The following ZNF511 variants were observed in gnomAD, a reference collection of about 807,000 sequenced individuals.
ZNF511 encodes zinc finger protein 511.
Under a neutral mutation model 24.8 loss-of-function variants are expected in ZNF511, and 26 were observed. The ratio of observed to expected loss-of-function variants is 1.05; its 90% CI spans 0.77 to 1.46. ZNF511 has a LOEUF of 1.46. Among genes scored for constraint, ZNF511 ranks in the 40% most tolerant of loss-of-function variants. ZNF511 has a pLI of 0.00. For missense variants in ZNF511, 358 were observed against 345.0 expected (o/e 1.04, Z -0.30); for synonymous variants, 144 against 139.6 (o/e 1.03, Z -0.22).
At position 133,311,713 on chromosome 10, in the gene ZNF511, C is replaced by T; in HGVS notation, c.555-3C>T. On this transcript the variant is annotated splice_polypyrimidine_tract_variant and splice_region_variant and intron_variant, in intron 4 of 5. Transcript: ENST00000361518. The stretch of plus-strand genomic sequence containing the variant: ...GCAGTTACTCACTGCTCTCTCCCCG[C>T]AGCCCAGCCTCAGCAGAAGCCCCAG... 1 of 1,611,136 alleles carries T rather than the reference C, an allele frequency of 6.2e-7. No homozygotes were observed. Among genetic ancestry groups the T allele is most frequent in the South Asian group, 1.1e-5 (1 of 91,034 alleles).
chr10:133,310,752 T>C (rs904994547), intron 4 of ZNF511, among the ~76,000 whole-genome samples: 1 of 152,216 alleles, frequency 6.6e-6, no homozygotes, highest in Non-Finnish European at 1.5e-5. Flanking sequence ...ACAAAGCTGT[T>C]GATTAACATG....
At position 133,310,258 on chromosome 10, in the gene ZNF511, TC is replaced by T; in HGVS notation, c.526del (p.Arg176GlyfsTer126). 1 of 1,614,024 alleles carries T rather than the reference TC, an allele frequency of 6.2e-7. No homozygotes were observed. On this transcript the variant is annotated frameshift_variant, in exon 4 of 6. Coordinates refer to ENST00000361518, the MANE Select transcript of ZNF511 (RefSeq NM_145806.4). LOFTEE classifies it high-confidence loss of function. ...MVRMHLYPAD[F>X]RFDKPKKSRS... is the part of the protein sequence containing the mutation. ...AGGATGCACCTGTACCCCGCGGACTTCCGGTTTGATAAGCCAAAGAAAAGCA... is the reference window on the plus strand; with the variant it reads ...AGGATGCACCTGTACCCCGCGGACTTCGGTTTGATAAGCCAAAGAAAAGCA...
chr10:133,311,484 T>C, intron 4 of ZNF511: 1 of 476,282 alleles, frequency 2.1e-6, no homozygotes, highest in Non-Finnish European at 3.7e-6. Flanking sequence ...AGTATGATTG[T>C]TACAGTTAAG....
chr10:133,311,287 C>T (rs1847983258), intron 4 of ZNF511, among the ~76,000 whole-genome samples: 1 of 152,110 alleles, frequency 6.6e-6, no homozygotes, highest in Non-Finnish European at 1.5e-5. Flanking sequence ...CAAAGACTTA[C>T]GTGTAAAGTA....
In ZNF511 at chr10:133,309,773, C is replaced by T. The variant is rs947383539; in HGVS notation, c.228-3C>T. On this transcript the variant is annotated splice_region_variant and splice_polypyrimidine_tract_variant and intron_variant, in intron 2 of 5. Transcript: ENST00000361518. ...GGGCTCCTGAAGCACGTCTCCTTGG[C>T]AGGGTGCCCGCGTTTGCCTGCCAGG... 8.1e-6 allele frequency: 13 copies of T among 1,612,468 alleles called. No homozygotes were observed. The highest frequency in any genetic ancestry group is 1.3e-5 in the African/African-American group (1 of 74,930).
chr10:133,312,573 C>A, intron 5 of ZNF511: 1 of 1,438,014 alleles, frequency 7.0e-7, no homozygotes, highest in South Asian at 1.5e-5. Flanking sequence ...GGAGTTCTTC[C>A]CAGCGGGTGT....
At chr10:133,312,117 A>G in intron 5 of ZNF511, 1 of 1,441,142 alleles carries the variant, frequency 6.9e-7, no homozygotes. Context: ...AAAGAGTCTC[A>G]CTTGCAGTTG....
In ZNF511 at chr10:133,311,711, C is replaced by G. The variant is rs371065979; in HGVS notation, c.555-5C>G. The G allele has an allele frequency of 6.5e-5, 105 of 1,610,764 alleles. No individual in the cohort carries two copies. In the African/African-American group the frequency reaches 1.3e-3, roughly 19 times the overall value. Reference sequence around the variant, plus strand: ...GGGCAGTTACTCACTGCTCTCTCCCCGCAGCCCAGCCTCAGCAGAAGCCCC... The same window carrying G: ...GGGCAGTTACTCACTGCTCTCTCCCGGCAGCCCAGCCTCAGCAGAAGCCCC... On this transcript the variant is annotated splice_polypyrimidine_tract_variant and splice_region_variant and intron_variant, in intron 4 of 5. Transcript: ENST00000361518.
In ZNF511 at chr10:133,311,740, G is replaced by A. The variant is rs756019334; in HGVS notation, c.579G>A (p.Gly193=). 7 of 1,613,474 alleles carry A rather than the reference G, an allele frequency of 4.3e-6. No individual in the cohort carries two copies. The Admixed American group carries it at 1.0e-4, about 23-fold the overall frequency. ...GCCCAGCCTCAGCAGAAGCCCCAGG[G>A]GACAGTGGAGAGCGGTCAGAAGGGG... The part of the protein sequence containing the change: ...SRSPASAEAP[G]DSGERSEGEA... The change falls in exon 5 of 6, where the codon GGG becomes GGA. Residue 193 remains glycine, a synonymous_variant. Transcript: ENST00000361518.
Position 133,311,790 on chromosome 10 carries a change from C to T in ZNF511, c.629C>T (p.Pro210Leu). The T allele has an allele frequency of 3.1e-6, 5 of 1,613,560 alleles. No homozygotes were observed. Among genetic ancestry groups the T allele is most frequent in the Non-Finnish European group, 4.2e-6 (5 of 1,180,042 alleles). The change falls in exon 5 of 6, where the codon CCT (proline) becomes CTT (leucine). Residue 210 changes from proline to leucine, a missense_variant. By Grantham distance (98) the Pro-to-Leu change is moderately conservative. Coordinates refer to ENST00000361518, the MANE Select transcript of ZNF511 (RefSeq NM_145806.4). ...GAGGCCATGGAAATCTGCTCTGAGCCTGTGGCAGCCTCCCCTGCACCGGCA... is the reference window on the plus strand; with the variant it reads ...GAGGCCATGGAAATCTGCTCTGAGCTTGTGGCAGCCTCCCCTGCACCGGCA... ...EGEAMEICSE[P>L]VAASPAPAGE...
chr10:133,310,554 C>T (rs1022586821), intron 4 of ZNF511: 18 of 490,136 alleles, frequency 3.7e-5, no homozygotes, highest in South Asian at 8.3e-5. Context: ...AATGAGCGGG[C>T]GCAGCGCCTC....
chr10:133,310,838 G>GAC (rs1421659915), intron 4 of ZNF511, among the ~76,000 whole-genome samples: 3 of 151,214 alleles, frequency 2.0e-5, no homozygotes, highest in Admixed American at 6.6e-5. Flanking sequence ...GTCTTGCTCT[G>GAC]ACACCCAGGC....
chr10:133,309,294 G>A, intron 1 of ZNF511, 96 bp from the exon 2 acceptor site: 2 of 1,463,296 alleles, frequency 1.4e-6, no homozygotes, highest in South Asian at 1.3e-5. Flanking sequence ...CGGGACCGGA[G>A]CGCGGGATGA....
At position 133,312,077 on chromosome 10, in the gene ZNF511, T is replaced by A; in HGVS notation, c.680+236T>A. ...GAAGCGCAGGAATGCCAAGCACCAC[T>A]CACTTTTCCTCATTGTCTGAGTGGG... On this transcript the variant is annotated intron_variant, in intron 5 of 5. Coordinates refer to ENST00000361518, the MANE Select transcript of ZNF511 (RefSeq NM_145806.4). 5 of 1,458,948 alleles carry A rather than the reference T, an allele frequency of 3.4e-6. No homozygotes were observed. In the South Asian group the frequency reaches 5.8e-5, roughly 17 times the overall value. 90.4% of individuals were successfully genotyped at this position (1,458,948 alleles called of 1,614,324 possible).
At chr10:133,312,220 C>T (rs990964962) in intron 5 of ZNF511, 1 of 1,386,882 alleles carries the variant, frequency 7.2e-7, no homozygotes, top group East Asian at 2.8e-5. Context: ...TCTAGCGTCA[C>T]CTGTGCCGTC....
chr10:133,311,547 T>C (rs1484849513), intron 4 of ZNF511, 169 bp from the exon 5 acceptor site: 2 of 598,336 alleles, frequency 3.3e-6, no homozygotes, highest in Non-Finnish European at 5.9e-6. Context: ...GTAATCATTC[T>C]CCTTTTCCCA....
At chr10:133,310,316 T>C (rs753141202) in intron 4 of ZNF511, 28 bp downstream of exon 4, 1 of 1,612,460 alleles carries the variant, frequency 6.2e-7, no homozygotes, top group Non-Finnish European at 8.5e-7. Context: ...TCAGCACGTG[T>C]CTGCTTTTGA....
At chr10:133,309,310 G>A (rs892362392) in intron 1 of ZNF511, 80 bp from the exon 2 acceptor site, 1 of 1,519,178 alleles carries the variant, frequency 6.6e-7, no homozygotes, top group Non-Finnish European at 8.9e-7. Flanking sequence ...GATGACTGGG[G>A]CCACGGGTGT....
At position 133,310,140 on chromosome 10, in the gene ZNF511, G is replaced by A. The variant is rs565388811; in HGVS notation, c.430-24G>A. On this transcript the variant is annotated intron_variant, in intron 3 of 5. Transcript: ENST00000361518. ...GTGGGGGAGGGCCAGGGGTCAGAGG[G>A]AGGTGACACGGTCTCCATTTCAGTA... 20 of 1,613,346 alleles carry A rather than the reference G, an allele frequency of 1.2e-5. No individual in the cohort carries two copies. In the South Asian group the frequency reaches 1.8e-4, roughly 14 times the overall value.
Sources: allele counts gnomAD v4.1 joint callset (sites outside exome capture counted in the v4.1 genomes callset), GRCh38; gene constraint gnomAD v4.1.1; transcripts MANE v1.5; gene names NCBI Gene and HGNC (gene_info 2026-07-23, HGNC 2026-07-21).